OTC: variants seen among roughly 807,000 people sequenced by gnomAD.
OTC encodes ornithine transcarbamylase, mitochondrial.
In OTC, 3 loss-of-function variants were observed where a neutral mutation model predicts 30.3. That is an observed-to-expected ratio of 0.10 (90% CI 0.05 to 0.26). The LOEUF (loss-of-function observed/expected upper bound fraction) is 0.26, where lower values mean the gene tolerates loss of function less well. Among genes scored for constraint, OTC ranks in the 10% least tolerant of loss-of-function variants. OTC has a pLI of 1.00. For synonymous variants in OTC, 111 were observed against 99.7 expected, an observed-to-expected ratio of 1.11 and a Z score of -0.67; for missense variants, 194 against 260.3, an observed-to-expected ratio of 0.75 and a Z score of 1.75.
the OTC span, among the ~76,000 whole-genome samples, chrX:38,331,962 G>A: frequency 2.7e-5 from 3 of 111,033 alleles, no homozygotes; most frequent in East Asian, 8.5e-4. Flanking sequence ...CTGGTTCATG[G>A]CCTGTTAGGA....
intron 9 of OTC, among the ~76,000 whole-genome samples, chrX:38,419,700 T>A (rs754121467): frequency 1.8e-5 from 2 of 111,986 alleles, no homozygotes; most frequent in Non-Finnish European, 3.8e-5. Flanking sequence ...TTTACTGAAT[T>A]CCCTTACCAG....
At chrX:38,398,546 C>A (rs1430501011) in intron 4 of OTC, among the ~76,000 whole-genome samples, 1 of 111,383 alleles carries the variant, frequency 9.0e-6, no homozygotes, top group Non-Finnish European at 1.9e-5. Context: ...GGGAGTGCTA[C>A]ATGTTTAAAG....
chrX:38,346,585 C>T, the OTC span, among the ~76,000 whole-genome samples: 1 of 112,371 alleles, frequency 8.9e-6, no homozygotes, highest in African/African-American at 3.2e-5. Context: ...GATAAATAAA[C>T]TGTGATATAA....
At chrX:38,383,653 C>G (rs1317430871) in intron 4 of OTC, among the ~76,000 whole-genome samples, 1 of 110,518 alleles carries the variant, frequency 9.0e-6, no homozygotes, top group Non-Finnish European at 1.9e-5. Context: ...CAAAAATTAG[C>G]CGGGCGTGGT....
intron 5 of OTC, among the ~76,000 whole-genome samples, chrX:38,403,106 C>T (rs539121301): frequency 8.9e-6 from 1 of 111,839 alleles, no homozygotes; most frequent in African/African-American, 3.3e-5. Context: ...GCCACTGCAC[C>T]TGGCCAACTA....
At chrX:38,380,382 T>C (rs1275173366) in intron 3 of OTC, among the ~76,000 whole-genome samples, 1 of 112,386 alleles carries the variant, frequency 8.9e-6, no homozygotes, top group Non-Finnish European at 1.9e-5. Flanking sequence ...AGGGGAAAAG[T>C]AATGTTTGTA....
At chrX:38,362,266 G>T (rs755337629) in intron 1 of OTC, among the ~76,000 whole-genome samples, 10 of 111,503 alleles carry the variant, frequency 9.0e-5, no homozygotes, top group Middle Eastern at 4.6e-3. Context: ...AATTTGTTAG[G>T]AGACTAGATC....
intron 1 of OTC, among the ~76,000 whole-genome samples, chrX:38,364,714 C>T (rs1003087479): frequency 1.8e-5 from 2 of 110,018 alleles, no homozygotes; most frequent in Non-Finnish European, 3.8e-5. Context: ...ATTGCTTCAA[C>T]CCAGGAGGTG....
At chrX:38,346,802 G>C in the OTC span, among the ~76,000 whole-genome samples, 17 of 112,348 alleles carry the variant, frequency 1.5e-4, no homozygotes, top group African/African-American at 4.8e-4. Flanking sequence ...AGAAGAGGAT[G>C]TGATTACAAA....
At chrX:38,411,751 C>T in intron 8 of OTC, 111 bp from the exon 9 acceptor site, 2 of 680,899 alleles carry the variant, frequency 2.9e-6, no homozygotes, top group Non-Finnish European at 4.7e-6. Context: ...TTTGTCTCTC[C>T]CTTTGCATTG....
At chrX:38,400,964 T>A (rs912052768) in intron 4 of OTC, among the ~76,000 whole-genome samples, 2 of 112,583 alleles carry the variant, frequency 1.8e-5, no homozygotes, top group African/African-American at 6.4e-5. Flanking sequence ...TATATCTTGC[T>A]TTTGGTCTTG....
At chrX:38,392,616 T>C (rs1428767157) in intron 4 of OTC, among the ~76,000 whole-genome samples, 1 of 112,373 alleles carries the variant, frequency 8.9e-6, no homozygotes, top group African/African-American at 3.2e-5. Flanking sequence ...GATACCAATG[T>C]CATTCACAAA....
chrX:38,336,083 G>T, the OTC span, among the ~76,000 whole-genome samples: 3 of 111,292 alleles, frequency 2.7e-5, no homozygotes, highest in Non-Finnish European at 5.7e-5. Context: ...ATTTATAAAA[G>T]AACTAATTTT....
At chrX:38,376,656 T>A (rs1194185574) in intron 3 of OTC, among the ~76,000 whole-genome samples, 1 of 111,904 alleles carries the variant, frequency 8.9e-6, no homozygotes, top group Non-Finnish European at 1.9e-5. Context: ...AGATATTCCA[T>A]GCAAATGGAA....
At chrX:38,408,655 C>T (rs1433465374) in intron 6 of OTC, 87 bp from the exon 7 acceptor site, 9 of 604,705 alleles carry the variant, frequency 1.5e-5, no homozygotes, top group East Asian at 3.6e-5. Context: ...GGGAAGGAGA[C>T]GCGATATTGA....
intron 1 of OTC, among the ~76,000 whole-genome samples, chrX:38,357,413 G>C (rs374799294): frequency 8.9e-6 from 1 of 112,862 alleles, no homozygotes; most frequent in East Asian, 2.8e-4. Flanking sequence ...TTAATGCAAG[G>C]TTAAAGAAAC....
chrX:38,420,630 A>T (rs1233907115), intron 9 of OTC, among the ~76,000 whole-genome samples: 1 of 111,063 alleles, frequency 9.0e-6, no homozygotes, highest in East Asian at 2.8e-4. Context: ...CTAGGCTGCG[A>T]GAGATCAAAC....
chrX:38,419,859 G>A (rs974436506), intron 9 of OTC, among the ~76,000 whole-genome samples: 1 of 111,274 alleles, frequency 9.0e-6, no homozygotes, highest in African/African-American at 3.3e-5. Flanking sequence ...GAGGATGGGG[G>A]ATGGGAAGGA....
intron 3 of OTC, among the ~76,000 whole-genome samples, chrX:38,370,115 A>G (rs2068316580): frequency 8.9e-6 from 1 of 112,985 alleles, no homozygotes; most frequent in South Asian, 3.6e-4. Flanking sequence ...GAAGTTCCAT[A>G]TAACTCTTCA....
Sources: gnomAD v4.1 joint callset for allele counts (sites outside exome capture counted in the v4.1 genomes callset) on GRCh38, gnomAD v4.1.1 for gene constraint, MANE v1.5 for transcripts, NCBI Gene and HGNC (gene_info 2026-07-23, HGNC 2026-07-21) for gene names.